ZFHX3: variants seen among roughly 807,000 people sequenced by gnomAD.
ZFHX3 encodes zinc finger homeobox 3.
Under a neutral mutation model 279.1 loss-of-function variants are expected in ZFHX3, and 42 were observed. The ratio of observed to expected loss-of-function variants is 0.15; its 90% CI spans 0.12 to 0.19. ZFHX3 has a LOEUF of 0.19. Ranked by LOEUF, ZFHX3 falls within the 10% of genes least tolerant of loss-of-function variation. ZFHX3 has a pLI of 1.00. For missense variants in ZFHX3, 4,981 were observed against 4,754.0 expected (o/e 1.05, Z -1.40); for synonymous variants, 2,293 against 1,957.8 (o/e 1.17, Z -4.52).
At chr16:73,522,946 G>A (rs1039393263) in intron 2 of ZFHX3, among the ~76,000 whole-genome samples, 1 of 152,142 alleles carries the variant, frequency 6.6e-6, no homozygotes, top group Non-Finnish European at 1.5e-5. Context: ...GATCTCCTGA[G>A]AATTCACTCA....
At chr16:73,361,710 T>G (rs1333652876) in intron 3 of ZFHX3, among the ~76,000 whole-genome samples, 1 of 152,188 alleles carries the variant, frequency 6.6e-6, no homozygotes, top group East Asian at 1.9e-4. Flanking sequence ...CAAACCAAGA[T>G]TTTTAAAGAA....
chr16:73,131,392 C>A (rs1966677631), intron 6 of ZFHX3, among the ~76,000 whole-genome samples: 2 of 152,164 alleles, frequency 1.3e-5, no homozygotes, highest in Non-Finnish European at 2.9e-5. Context: ...AGTAAGAATC[C>A]ATTTCACAGA....
rs1017834073 is a variant in ZFHX3, at chr16:73,811,636, G to A, written c.-1608+80015C>T. ...TAATTTTTGTATTTTTAATAGAGATGGGGTTTCACCATGTTGGCCAGGCTG... is the reference window on the plus strand; with the variant it reads ...TAATTTTTGTATTTTTAATAGAGATAGGGTTTCACCATGTTGGCCAGGCTG... On this transcript the variant is annotated intron_variant, in intron 1 of 17. Transcript: ENST00000641206. Among the ~76,000 whole-genome samples the A allele has an allele frequency of 3.9e-5, 6 of 151,908 alleles. No individual in the cohort carries two copies. In the East Asian group the frequency reaches 9.7e-4, roughly 25 times the overall value.
intron 8 of ZFHX3, chr16:73,093,007 C>G (rs747819675): frequency 1.9e-6 from 1 of 520,118 alleles, no homozygotes. Flanking sequence ...TCTCCTTTTT[C>G]TTCGGGCCCT....
rs753129479 is a variant in ZFHX3, at chr16:72,788,116, T to TGCTGCTGCTGTAGTTGCC, written c.10142_10159dup (p.Arg3381_Gln3386dup). 1.6e-5 allele frequency: 25 copies of TGCTGCTGCTGTAGTTGCC among 1,596,598 alleles called. No homozygotes were observed. The highest frequency in any genetic ancestry group is 1.5e-5 in the Non-Finnish European group (18 of 1,167,908). ...CTGCTGCTGCTGCACTTTTTGCTGC[T>TGCTGCTGCTGTAGTTGCC]GCTGCTGCTGTAGTTGCCGCTGCTG... is the stretch of plus-strand genomic sequence containing the variant. On this transcript the variant is annotated inframe_insertion, in exon 10 of 10. Coordinates refer to ENST00000268489, the MANE Select transcript of ZFHX3 (RefSeq NM_006885.4).
chr16:73,651,739 C>G (rs943221703), intron 2 of ZFHX3, among the ~76,000 whole-genome samples: 3 of 146,862 alleles, frequency 2.0e-5, no homozygotes, highest in Admixed American at 6.8e-5. Context: ...CCTGTAGTCC[C>G]AGCTACTCGG....
At chr16:73,738,815 G>A (rs2053629829) in intron 1 of ZFHX3, among the ~76,000 whole-genome samples, 1 of 152,098 alleles carries the variant, frequency 6.6e-6, no homozygotes, top group Non-Finnish European at 1.5e-5. Flanking sequence ...GCTGTTTCCC[G>A]GGCTTCCATG....
chr16:73,470,093 C>T (rs2018639994), intron 2 of ZFHX3, among the ~76,000 whole-genome samples: 1 of 152,186 alleles, frequency 6.6e-6, no homozygotes, highest in Admixed American at 6.5e-5. Flanking sequence ...GATTCTTATT[C>T]ATGAGGTCCA....
At chr16:73,743,792 G>C (rs2053680051) in intron 1 of ZFHX3, among the ~76,000 whole-genome samples, 1 of 152,110 alleles carries the variant, frequency 6.6e-6, no homozygotes, top group South Asian at 2.1e-4. Flanking sequence ...CACCTGGAAA[G>C]AAATGATGGA....
chr16:72,885,827 C>T (rs1185094309), intron 4 of ZFHX3, among the ~76,000 whole-genome samples: 1 of 152,220 alleles, frequency 6.6e-6, no homozygotes, highest in Non-Finnish European at 1.5e-5. Context: ...CAACTCTAGA[C>T]AGCACAGCCA....
chr16:73,000,215 C>T (rs567487885), intron 1 of ZFHX3, among the ~76,000 whole-genome samples: 4 of 152,280 alleles, frequency 2.6e-5, no homozygotes, highest in East Asian at 3.9e-4. Flanking sequence ...CAGGGTCCCT[C>T]GACCTGTCCC....
intron 8 of ZFHX3, among the ~76,000 whole-genome samples, chr16:73,088,142 AT>A (rs5817831): frequency 0.84 from 126,107 of 149,472 alleles, 53,154 homozygotes; most frequent in East Asian, 1. Flanking sequence ...CTTTCATTTC[AT>A]TTTTTTTTTT....
chr16:73,737,883 T>A (rs1047225063), intron 1 of ZFHX3, among the ~76,000 whole-genome samples: 3 of 152,180 alleles, frequency 2.0e-5, no homozygotes, highest in Admixed American at 2.0e-4. Context: ...CAGACAATTT[T>A]ATCAGTCAGG....
intron 8 of ZFHX3, chr16:73,093,113 A>C (rs1385974491): frequency 1.9e-6 from 1 of 520,056 alleles, no homozygotes; most frequent in African/African-American, 1.9e-5. Context: ...TGGATCAAAG[A>C]ACTCTGAAAA....
intron 1 of ZFHX3, among the ~76,000 whole-genome samples, chr16:73,834,447 G>A (rs1226107838): frequency 6.6e-6 from 1 of 152,184 alleles, no homozygotes; most frequent in African/African-American, 2.4e-5. Context: ...GGGATGGCAG[G>A]TCCCAAGAGA....
At chr16:73,432,425 G>A (rs994931170) in intron 3 of ZFHX3, among the ~76,000 whole-genome samples, 1 of 152,064 alleles carries the variant, frequency 6.6e-6, no homozygotes, top group Non-Finnish European at 1.5e-5. Flanking sequence ...TTGACAAAGG[G>A]GTGAGGAGTC....
intron 1 of ZFHX3, among the ~76,000 whole-genome samples, chr16:73,055,149 G>C (rs1417143560): frequency 6.8e-6 from 1 of 147,932 alleles, no homozygotes; most frequent in Non-Finnish European, 1.5e-5. Flanking sequence ...TTAATAGTTT[G>C]TTGTAACTGG....
chr16:72,840,866 A>G (rs1461065102), intron 4 of ZFHX3, among the ~76,000 whole-genome samples: 1 of 152,254 alleles, frequency 6.6e-6, no homozygotes, highest in East Asian at 1.9e-4. Context: ...AAAACAAAGC[A>G]CAAACAAAAG....
At chr16:73,326,036 A>G (rs913652501) in intron 3 of ZFHX3, among the ~76,000 whole-genome samples, 2 of 152,120 alleles carry the variant, frequency 1.3e-5, no homozygotes, top group Non-Finnish European at 2.9e-5. Context: ...TTTGATTGCC[A>G]AGTCATGGAA....
Sources: allele counts gnomAD v4.1 joint callset (sites outside exome capture counted in the v4.1 genomes callset), GRCh38; gene constraint gnomAD v4.1.1; transcripts MANE v1.5; gene names NCBI Gene and HGNC (gene_info 2026-07-23, HGNC 2026-07-21).